The following FTO variants were observed in gnomAD, a reference collection of about 807,000 sequenced individuals.
The protein encoded by FTO is alpha-ketoglutarate-dependent dioxygenase FTO.
Under a neutral mutation model 63.9 loss-of-function variants are expected in FTO, and 47 were observed. That is an observed-to-expected ratio of 0.74 (90% CI 0.58 to 0.94). FTO has a LOEUF of 0.94. Among genes scored for constraint, FTO ranks in the 40% least tolerant of loss-of-function variants. FTO has a pLI of 0.00. For synonymous variants in FTO, 207 were observed against 224.4 expected (o/e 0.92, Z 0.69); for missense variants, 562 against 618.1 (o/e 0.91, Z 0.96).
At chr16:53,720,175 T>C (rs760422074) in intron 1 of FTO, among the ~76,000 whole-genome samples, 53 of 152,098 alleles carry the variant, frequency 3.5e-4, no homozygotes, top group Non-Finnish European at 4.7e-4. Context: ...TCACTAGTAG[T>C]TGGAAGGCTA....
At chr16:53,914,340 C>A (rs2081803656) in intron 7 of FTO, among the ~76,000 whole-genome samples, 1 of 151,324 alleles carries the variant, frequency 6.6e-6, no homozygotes, top group African/African-American at 2.4e-5. Context: ...TAAATGACTG[C>A]ATTTTTGTTG....
chr16:53,796,286 G>T (rs7200298), intron 1 of FTO, among the ~76,000 whole-genome samples: 113,089 of 152,006 alleles, frequency 0.74, 43,246 homozygotes, highest in African/African-American at 0.93. Context: ...TCAGGTGATC[G>T]GCCCGCATTG....
At chr16:54,025,254 A>G (rs931665955) in intron 8 of FTO, among the ~76,000 whole-genome samples, 8 of 152,320 alleles carry the variant, frequency 5.3e-5, no homozygotes, top group African/African-American at 1.9e-4. Context: ...GAAGATAGAG[A>G]AATGGAGGCT....
At chr16:54,109,597 G>A (rs924394587) in intron 8 of FTO, among the ~76,000 whole-genome samples, 23 of 152,214 alleles carry the variant, frequency 1.5e-4, no homozygotes, top group African/African-American at 4.8e-4. Flanking sequence ...CTACCAGGGT[G>A]CAAGGGATTA....
intron 1 of FTO, among the ~76,000 whole-genome samples, chr16:53,783,734 G>A (rs1359416409): frequency 2.6e-5 from 4 of 151,422 alleles, no homozygotes; most frequent in African/African-American, 9.7e-5. Context: ...GTTGCAGTGA[G>A]CTGAGATCGC....
chr16:54,028,798 A>G (rs1436334687), intron 8 of FTO, among the ~76,000 whole-genome samples: 1 of 152,174 alleles, frequency 6.6e-6, no homozygotes, highest in Non-Finnish European at 1.5e-5. Context: ...ACTCATTAAT[A>G]CAAAGATGGG....
chr16:54,040,360 C>A (rs1317163911), intron 8 of FTO: 3 of 152,212 alleles, frequency 2.0e-5, no homozygotes, highest in East Asian at 3.9e-4. Flanking sequence ...AGATTAAAGA[C>A]CTTCTGCTGA....
intron 7 of FTO, among the ~76,000 whole-genome samples, chr16:53,929,525 A>G (rs901604005): frequency 1.3e-5 from 2 of 152,220 alleles, no homozygotes. Flanking sequence ...TTTTTGTTTG[A>G]ACATAAGTTA....
At chr16:53,965,423 T>C (rs181456450) in intron 8 of FTO, among the ~76,000 whole-genome samples, 3 of 152,282 alleles carry the variant, frequency 2.0e-5, no homozygotes, top group Admixed American at 2.0e-4. Flanking sequence ...TTTTTGGGAA[T>C]TTATAGTGGC....
chr16:53,867,597 C>G (rs142385176), intron 4 of FTO, among the ~76,000 whole-genome samples: 2 of 150,886 alleles, frequency 1.3e-5, no homozygotes, highest in Admixed American at 1.3e-4. Flanking sequence ...TTTGGTAATA[C>G]GTGTTTTATC....
At chr16:53,869,698 T>G (rs2080441499) in intron 4 of FTO, among the ~76,000 whole-genome samples, 1 of 152,204 alleles carries the variant, frequency 6.6e-6, no homozygotes, top group Admixed American at 6.5e-5. Flanking sequence ...GTTATTGATT[T>G]CCAGCATTTT....
rs568336591 is a variant in FTO at position 54,007,528 on chromosome 16, T to C, written c.1364+73419T>C. Among the ~76,000 whole-genome samples the C allele has an allele frequency of 9.8e-5, 15 of 152,302 alleles. No individual in the cohort carries two copies. The South Asian group carries it at 3.1e-3, about 32-fold the overall frequency. ...AGGTGGGCTTATGAATTAATAGATA[T>C]AAAGGTATGTAAAATTATTGCTATC... On this transcript the variant is annotated intron_variant, in intron 8 of 8. Transcript: ENST00000471389.
intron 4 of FTO, among the ~76,000 whole-genome samples, chr16:53,864,016 A>G (rs1291732716): frequency 1.3e-5 from 2 of 152,214 alleles, no homozygotes; most frequent in South Asian, 2.1e-4. Flanking sequence ...GAATCTAGGA[A>G]TGGGACGGGG....
At chr16:53,936,256 CTG>C (rs2082387652) in intron 8 of FTO, among the ~76,000 whole-genome samples, 1 of 152,216 alleles carries the variant, frequency 6.6e-6, no homozygotes, top group Non-Finnish European at 1.5e-5. Flanking sequence ...ACAGCTGACA[CTG>C]TGCAGACCCC....
rs371886064 is a variant in FTO at position 53,867,876 on chromosome 16, C to A, written c.896-5910C>A. 2.6e-5 allele frequency among the ~76,000 whole-genome samples: 4 copies of A among 152,212 alleles called. 1 individual carries two copies. The highest frequency in any genetic ancestry group is 9.6e-5 in the African/African-American group (4 of 41,554). On this transcript the variant is annotated intron_variant, in intron 4 of 8. Transcript: ENST00000471389. ...TTTTTGCCTTATACATTTTGATGCT[C>A]TACTATTAGGTGCATACTGTTATAT... is the stretch of plus-strand genomic sequence containing the variant.
Position 54,117,308 on chromosome 16 carries a change from A to G in FTO, c.*5393A>G, listed in dbSNP as rs183065454. On this transcript the variant is annotated 3_prime_UTR_variant, in exon 9 of 9. Transcript: ENST00000471389. ...ACTGGGCTTCAGTGAGGTACTAGCT[A>G]TTATTATTAACCAAGTTTCCTGTGG... 6.6e-6 allele frequency: 1 copy of G among 152,256 alleles called. No individual in the cohort carries two copies. 9.4% of individuals were successfully genotyped at this position (152,256 alleles called of 1,614,324 possible).
chr16:53,803,738 G>A lies in FTO; in HGVS notation c.46-6402G>A, dbSNP rs147062863. On this transcript the variant is annotated intron_variant, in intron 1 of 8. Transcript: ENST00000471389. Reference sequence around the variant, plus strand: ...TGCCAGTCACTTCATAGCTCTGGATGGGCCTTAGTTTCTTTATATGTTCTA... The same window carrying A: ...TGCCAGTCACTTCATAGCTCTGGATAGGCCTTAGTTTCTTTATATGTTCTA... Among the ~76,000 whole-genome samples, 341 of 152,146 alleles carry A rather than the reference G, an allele frequency of 2.2e-3. 3 individuals carry two copies. The highest frequency in any genetic ancestry group is 7.9e-3 in the African/African-American group (326 of 41,510).
chr16:53,867,835 C>T (rs914017806), intron 4 of FTO, among the ~76,000 whole-genome samples: 1 of 152,010 alleles, frequency 6.6e-6, no homozygotes, highest in Non-Finnish European at 1.5e-5. Flanking sequence ...TCTGTTTTTC[C>T]TTGCAGTTCT....
intron 8 of FTO, among the ~76,000 whole-genome samples, chr16:54,002,349 C>T (rs1192035234): frequency 2.0e-5 from 3 of 152,190 alleles, no homozygotes; most frequent in African/African-American, 7.2e-5. Context: ...CATTTATAAA[C>T]TCAAATGACT....
Sources: allele counts gnomAD v4.1 joint callset (sites outside exome capture counted in the v4.1 genomes callset), GRCh38; gene constraint gnomAD v4.1.1; transcripts MANE v1.5; gene names NCBI Gene and HGNC (gene_info 2026-07-23, HGNC 2026-07-21).